Variants in NBEA observed in about 807,000 individuals in gnomAD.
NBEA encodes lysosomal-trafficking regulator 2.
In NBEA, 44 loss-of-function variants were observed where a neutral mutation model predicts 343.4. That is an observed-to-expected ratio of 0.13 (90% CI 0.10 to 0.16). The LOEUF is 0.16. Ranked by LOEUF, NBEA falls within the 10% of genes least tolerant of loss-of-function variation. The pLI, the probability that NBEA is intolerant of heterozygous loss-of-function variation, is 1.00. For synonymous variants in NBEA, 1,175 were observed against 1,238.7 expected, an observed-to-expected ratio of 0.95 and a Z score of 1.08; for missense variants, 2,555 against 3,631.3, an observed-to-expected ratio of 0.70 and a Z score of 7.62.
At chr13:35,641,527 G>C (rs903977834) in intron 49 of NBEA, among the ~76,000 whole-genome samples, 1 of 152,106 alleles carries the variant, frequency 6.6e-6, no homozygotes, top group Non-Finnish European at 1.5e-5. Flanking sequence ...ATACAACAAG[G>C]TTGAATCTTG....
At position 35,649,811 on chromosome 13, in the gene NBEA, C is replaced by T. The variant is rs2084426940; in HGVS notation, c.7927C>T (p.Arg2643Ter). Residue 2643 changes from arginine (R) to a stop codon, truncating the protein, a stop_gained, in exon 52 of 59, where the codon CGA becomes TGA. Transcript: ENST00000379939. LOFTEE classifies it high-confidence loss of function. ...CGCAGTGGTGACAGTGACTTGCAGC[C>T]GACTCTTTGCAGTGAATAGATGGCA... is the stretch of plus-strand genomic sequence containing the variant. ...IPAVVTVTCSRLFAVNRWHNT... is the reference protein window; with the variant it reads ...IPAVVTVTCS 1 of 1,613,820 alleles carries T rather than the reference C, an allele frequency of 6.2e-7. No homozygotes were observed. The highest frequency in any genetic ancestry group is 8.5e-7 in the Non-Finnish European group (1 of 1,179,908).
chr13:35,491,231 G>C (rs754648880), intron 41 of NBEA, among the ~76,000 whole-genome samples: 1 of 151,814 alleles, frequency 6.6e-6, no homozygotes, highest in African/African-American at 2.4e-5. Context: ...TGTTAATTTT[G>C]CTGGTTATTT....
chr13:35,646,063 G>A, intron 50 of NBEA, 132 bp downstream of exon 50: 3 of 720,840 alleles, frequency 4.2e-6, no homozygotes, highest in Non-Finnish European at 6.9e-6. Flanking sequence ...ACTGAAGCAT[G>A]TTTGGAAGGA....
intron 41 of NBEA, among the ~76,000 whole-genome samples, chr13:35,537,934 G>A (rs2078637191): frequency 6.6e-6 from 1 of 152,156 alleles, no homozygotes; most frequent in Admixed American, 6.5e-5. Context: ...TCTGTTGACT[G>A]CTTTCTCGCT....
In NBEA at chr13:35,652,815, C is replaced by A. The variant is rs559698894; in HGVS notation, c.8035+939C>A. On this transcript the variant is annotated intron_variant, in intron 53 of 58. Transcript: ENST00000379939. Reference sequence around the variant, plus strand: ...GTTCACGCCATTCTCCTGCCTCAGCCTCCCGAGTAGCTGGGATTACAGGCG... The same window carrying A: ...GTTCACGCCATTCTCCTGCCTCAGCATCCCGAGTAGCTGGGATTACAGGCG... Among the ~76,000 whole-genome samples, 640 of 149,062 alleles carry A rather than the reference C, an allele frequency of 4.3e-3. 5 individuals carry two copies. The highest frequency in any genetic ancestry group is 6.6e-3 in the Non-Finnish European group (447 of 67,290).
intron 38 of NBEA, among the ~76,000 whole-genome samples, chr13:35,413,358 T>A (rs75340649): frequency 0.044 from 6,741 of 152,264 alleles, 185 homozygotes; most frequent in African/African-American, 0.058. Flanking sequence ...TATGTATTTT[T>A]TGTGTGTATT....
At chr13:35,356,249 A>T (rs1460952376) in intron 38 of NBEA, among the ~76,000 whole-genome samples, 1 of 152,164 alleles carries the variant, frequency 6.6e-6, no homozygotes, top group African/African-American at 2.4e-5. Context: ...AAAGTGTTAG[A>T]GCCAGCAACA....
At chr13:35,477,916 T>G (rs2075949020) in intron 41 of NBEA, among the ~76,000 whole-genome samples, 1 of 152,214 alleles carries the variant, frequency 6.6e-6, no homozygotes, top group Admixed American at 6.5e-5. Context: ...GGTCCAGTTG[T>G]GTCCTCAAAG....
At position 35,040,990 on chromosome 13, in the gene NBEA, A is replaced by T. The variant is rs765805802; in HGVS notation, c.352A>T (p.Ile118Leu). The change falls in exon 2 of 59, where the codon ATA (isoleucine) becomes TTA (leucine). Residue 118 changes from isoleucine (I) to leucine (L), a missense_variant. Transcript: ENST00000379939. Reference sequence around the variant, plus strand: ...CTTTATTATCCAGGATGCTGAGAGTATAACATGTATGACAGAGCTTTTGGA... The same window carrying T: ...CTTTATTATCCAGGATGCTGAGAGTTTAACATGTATGACAGAGCTTTTGGA... ...MNFIIQDAES[I>L]TCMTELLEHC... The T allele has an allele frequency of 6.2e-7, 1 of 1,613,292 alleles. No homozygotes were observed. The highest frequency in any genetic ancestry group is 8.5e-7 in the Non-Finnish European group (1 of 1,179,430).
intron 36 of NBEA, among the ~76,000 whole-genome samples, chr13:35,336,330 T>C (rs935897552): frequency 1.3e-5 from 2 of 152,086 alleles, no homozygotes; most frequent in African/African-American, 4.8e-5. Context: ...GAAACTCTGC[T>C]TGAGGATATA....
At chr13:35,219,290 G>A (rs2074234669) in intron 33 of NBEA, among the ~76,000 whole-genome samples, 1 of 151,982 alleles carries the variant, frequency 6.6e-6, no homozygotes, top group African/African-American at 2.4e-5. Context: ...CCAAAAAAAT[G>A]TCTAGAGAGA....
At chr13:35,307,801 T>C (rs990882488) in intron 35 of NBEA, among the ~76,000 whole-genome samples, 7 of 152,096 alleles carry the variant, frequency 4.6e-5, no homozygotes, top group African/African-American at 1.7e-4. Context: ...TGATTTCCAA[T>C]AAATACAGAA....
At chr13:35,357,271 A>G (rs1018105997) in intron 38 of NBEA, among the ~76,000 whole-genome samples, 1 of 151,924 alleles carries the variant, frequency 6.6e-6, no homozygotes, top group Non-Finnish European at 1.5e-5. Context: ...AATCTCGAAC[A>G]GAGAGGTTTT....
At chr13:35,031,973 C>T (rs1354397971) in intron 1 of NBEA, among the ~76,000 whole-genome samples, 2 of 151,778 alleles carry the variant, frequency 1.3e-5, no homozygotes, top group African/African-American at 4.8e-5. Flanking sequence ...CCATAAGAGA[C>T]ATGGTATTGT....
chr13:35,646,262 A>G lies in NBEA; in HGVS notation c.7684A>G (p.Met2562Val), dbSNP rs1566454858. The change falls in exon 51 of 59, where the codon ATG becomes GTG. Residue 2562 changes from methionine to valine, a missense_variant. Around this residue, in one of 21 missense-constraint regions of NBEA, gnomAD observed 87 missense variants for 75.0 expected, o/e 1.16. Transcript: ENST00000379939. ...FLLTKDFIKA[M>V]EAQIQNFGQT... ...AATCACCCTCCTTCCCCTGCAGGCC[A>G]TGGAGGCACAGATACAGAACTTTGG... The G allele has an allele frequency of 6.2e-7, 1 of 1,612,306 alleles. No individual in the cohort carries two copies. Among genetic ancestry groups the G allele is most frequent in the Non-Finnish European group, 8.5e-7 (1 of 1,178,694 alleles).
At chr13:35,069,188 A>G (rs866508971) in intron 8 of NBEA, among the ~76,000 whole-genome samples, 2 of 152,244 alleles carry the variant, frequency 1.3e-5, no homozygotes, top group Middle Eastern at 3.4e-3. Context: ...TTCAGTTTTC[A>G]TAGTTGTAAG....
chr13:35,266,034 G>T (rs2033643976), intron 34 of NBEA, among the ~76,000 whole-genome samples: 2 of 151,788 alleles, frequency 1.3e-5, no homozygotes, highest in African/African-American at 4.8e-5. Context: ...AAATGGGTAG[G>T]AGAACTGAGT....
chr13:34,991,659 A>G lies in NBEA; in HGVS notation c.294+48545A>G, dbSNP rs749028953. On this transcript the variant is annotated intron_variant, in intron 1 of 58. Transcript: ENST00000379939. Reference sequence around the variant, plus strand: ...ATATCAATATACACTACACAGTACTATAATTTTCACTTCAAGCAGTCATAT... The same window carrying G: ...ATATCAATATACACTACACAGTACTGTAATTTTCACTTCAAGCAGTCATAT... Among the ~76,000 whole-genome samples, 6 of 152,174 alleles carry G rather than the reference A, an allele frequency of 3.9e-5. No individual in the cohort carries two copies. The South Asian group carries it at 8.3e-4, about 21-fold the overall frequency.
chr13:35,440,234 A>G (rs934415327), intron 39 of NBEA, among the ~76,000 whole-genome samples: 1 of 152,116 alleles, frequency 6.6e-6, no homozygotes, highest in African/African-American at 2.4e-5. Context: ...ACCATTCATC[A>G]CTTTGGGTAA....
Sources: allele counts gnomAD v4.1 joint callset (sites outside exome capture counted in the v4.1 genomes callset), GRCh38; gene constraint gnomAD v4.1.1; regional missense constraint gnomAD v4.1.1; transcripts MANE v1.5; gene names NCBI Gene and HGNC (gene_info 2026-07-23, HGNC 2026-07-21).